IDH3A: variants seen among roughly 807,000 people sequenced by gnomAD.
IDH3A encodes isocitrate dehydrogenase (NAD(+)) 3 catalytic subunit alpha.
IDH3A carries 23 observed loss-of-function variants against 43.3 expected under a neutral mutation model. The ratio of observed to expected loss-of-function variants is 0.53; its 90% CI spans 0.38 to 0.75. IDH3A has a LOEUF of 0.75. Ranked by LOEUF, IDH3A falls within the 30% of genes least tolerant of loss-of-function variation. IDH3A has a pLI of 0.00. For synonymous variants in IDH3A, 154 were observed against 163.5 expected, an observed-to-expected ratio of 0.94 and a Z score of 0.44; for missense variants, 329 against 474.4, an observed-to-expected ratio of 0.69 and a Z score of 2.85.
rs1447271469 is a variant in IDH3A at position 78,162,346 on chromosome 15, C to T, written c.590C>T (p.Ala197Val). ...AACAACCACCGGAGCAACGTCACGG[C>T]GGTGCACAAAGCCAACATCATGTGA... ...ARNNHRSNVT[A>V]VHKANIMRMS... The change falls in exon 6 of 11, where the codon GCG (alanine) becomes GTG (valine). Residue 197 changes from alanine (A) to valine (V), a missense_variant. Physicochemically the swap from Ala to Val is moderately conservative, Grantham distance 64. Transcript: ENST00000299518. 3.7e-6 allele frequency: 6 copies of T among 1,614,010 alleles called. No homozygotes were observed. Among genetic ancestry groups the T allele is most frequent in the Non-Finnish European group, 4.2e-6 (5 of 1,180,038 alleles).
rs749624692 is a variant in IDH3A, at chr15:78,166,131, T to C, written c.865-19T>C. On this transcript the variant is annotated intron_variant, in intron 9 of 10. Transcript: ENST00000299518. ...GTTTTTGTCTCTCCCTTGATGATGC[T>C]ACTTTTCCCGATGTGTAGGTTCATG... 6.2e-7 allele frequency: 1 copy of C among 1,611,068 alleles called. No individual in the cohort carries two copies. Among genetic ancestry groups the C allele is most frequent in the South Asian group, 1.1e-5 (1 of 91,056 alleles).
At position 78,161,456 on chromosome 15, in the gene IDH3A, GA is replaced by G; in HGVS notation, c.290-123del. ...GTGAGGAAGTGTTCCTCCTTCATTT[GA>G]ATCTCAGGTAGAGAGTGAACTAGAG... is the stretch of plus-strand genomic sequence containing the variant. On this transcript the variant is annotated intron_variant, in intron 4 of 10. Transcript: ENST00000299518. This position sits in a 1 kb window ranked among gnomAD's most constrained non-coding sequence, Gnocchi z 4.8. 1 of 686,932 alleles carries G rather than the reference GA, an allele frequency of 1.5e-6. No individual in the cohort carries two copies. Among genetic ancestry groups the G allele is most frequent in the Non-Finnish European group, 2.5e-6 (1 of 403,886 alleles). The allele number at this position is 686,932 out of a possible 1,614,324, so 42.6% of individuals were successfully genotyped here.
intron 3 of IDH3A, among the ~76,000 whole-genome samples, chr15:78,158,448 C>CATATATATATAT (rs1555429599): frequency 3.5e-4 from 10 of 28,236 alleles, no homozygotes; most frequent in Middle Eastern, 0.023. Flanking sequence ...TACATACATA[C>CATATATATATAT]ATATATATAT....
Position 78,168,924 on chromosome 15 carries a change from C to T in IDH3A, c.1020C>T (p.Ser340=). 1.3e-6 allele frequency: 2 copies of T among 1,588,002 alleles called. No homozygotes were observed. The highest frequency in any genetic ancestry group is 1.1e-5 in the South Asian group (1 of 89,122). ...TTTTTGCTTTTTCCTTTTCTCAGAG[C>T]TTGACAAAAGATTTGGGAGGCAATG... The part of the protein sequence containing the change: ...ACFATIKDGK[S]LTKDLGGNAK... Residue 340 remains serine, a splice_region_variant and synonymous_variant, in exon 11 of 11, where the codon AGC becomes AGT. Transcript: ENST00000299518.
At chr15:78,160,012 A>G (rs1404109309) in intron 3 of IDH3A, 80 bp from the exon 4 acceptor site, 2 of 853,390 alleles carry the variant, frequency 2.3e-6, no homozygotes, top group Non-Finnish European at 4.0e-6. Flanking sequence ...AAGTTGAAAA[A>G]GTTTGTTCAT....
chr15:78,171,595 A>T lies in IDH3A; in HGVS notation c.*2590A>T. On this transcript the variant is annotated 3_prime_UTR_variant, in exon 11 of 11. Transcript: ENST00000299518. Reference sequence around the variant, plus strand: ...TGAGAACTCTGAGAATGTGTGTGGTAAAGACTCACACTCAGTCCTATATAT... The same window carrying T: ...TGAGAACTCTGAGAATGTGTGTGGTTAAGACTCACACTCAGTCCTATATAT... 2.3e-6 allele frequency: 3 copies of T among 1,312,708 alleles called. No individual in the cohort carries two copies. Among genetic ancestry groups the T allele is most frequent in the Non-Finnish European group, 3.3e-6 (3 of 908,578 alleles). The allele number at this position is 1,312,708 out of a possible 1,614,324, so 81.3% of individuals were successfully genotyped here. A position where few individuals can be genotyped will look rare whatever the true frequency, so the allele number is the denominator to read the frequency against.
chr15:78,171,333 C>A lies in IDH3A; in HGVS notation c.*2328C>A. The A allele has an allele frequency of 1.2e-6, 1 of 820,864 alleles. No homozygotes were observed. Among genetic ancestry groups the A allele is most frequent in the South Asian group, 1.7e-5 (1 of 59,442 alleles). The allele number at this position is 820,864 out of a possible 1,614,324, so 50.8% of individuals were successfully genotyped here. On this transcript the variant is annotated 3_prime_UTR_variant, in exon 11 of 11. Coordinates refer to ENST00000299518, the MANE Select transcript of IDH3A (RefSeq NM_005530.3). ...CAGTGCTGTGCCCTGACCTGGAGATCTAACAGACTTGGCAGAAATGCCTGT... is the reference window on the plus strand; with the variant it reads ...CAGTGCTGTGCCCTGACCTGGAGATATAACAGACTTGGCAGAAATGCCTGT...
At chr15:78,156,912 A>G (rs201455152) in intron 2 of IDH3A, 146 of 1,351,852 alleles carry the variant, frequency 1.1e-4, no homozygotes, top group Non-Finnish European at 8.3e-5. Flanking sequence ...TTGCAGATCA[A>G]CTTTGCCAAG....
chr15:78,155,077 G>C (rs2074612986), intron 1 of IDH3A, 136 bp from the exon 2 acceptor site: 2 of 530,718 alleles, frequency 3.8e-6, no homozygotes, highest in Non-Finnish European at 6.7e-6. Flanking sequence ...TAATACATGA[G>C]ATTTGTATTC....
At chr15:78,165,657 C>A (rs185893751) in intron 9 of IDH3A, among the ~76,000 whole-genome samples, 1 of 150,268 alleles carries the variant, frequency 6.7e-6, no homozygotes, top group African/African-American at 2.5e-5. Flanking sequence ...AAAAAAATTA[C>A]TTTAGCTCTT....
chr15:78,158,448 C>CATATATATATATAT lies in IDH3A; in HGVS notation c.174+820_174+833dup, dbSNP rs1555429599. Among the ~76,000 whole-genome samples, 4 of 28,238 alleles carry CATATATATATATAT rather than the reference C, an allele frequency of 1.4e-4. 1 individual carries two copies. The highest frequency in any genetic ancestry group is 1.8e-4 in the Non-Finnish European group (3 of 16,582). 18.5% of individuals were successfully genotyped at this position (28,238 alleles called of 152,430 possible). On this transcript the variant is annotated intron_variant, in intron 3 of 10. Transcript: ENST00000299518. ...TCATAGGTTATGCAATACATACATA[C>CATATATATATATAT]ATATATATATATATATTTTTTTTTT... is the stretch of plus-strand genomic sequence containing the variant.
At chr15:78,166,351 A>T in intron 10 of IDH3A, 49 bp downstream of exon 10, 2 of 1,580,192 alleles carry the variant, frequency 1.3e-6, no homozygotes, top group Non-Finnish European at 1.7e-6. Context: ...CATTGCTTCC[A>T]TGTGTTTTAT....
intron 3 of IDH3A, among the ~76,000 whole-genome samples, chr15:78,158,261 A>G (rs1296594944): frequency 6.6e-6 from 1 of 151,742 alleles, no homozygotes; most frequent in African/African-American, 2.4e-5. Context: ...CAGGTAGATA[A>G]TTTAAAAATT....
intron 1 of IDH3A, among the ~76,000 whole-genome samples, chr15:78,152,764 A>G (rs1320903683): frequency 6.6e-6 from 1 of 152,196 alleles, no homozygotes; most frequent in Non-Finnish European, 1.5e-5. Context: ...ACTTAGGTGC[A>G]GTACTGCTTT....
intron 5 of IDH3A, 175 bp from the exon 6 acceptor site, chr15:78,162,059 C>A (rs1022714781): frequency 3.0e-6 from 2 of 670,310 alleles, no homozygotes; most frequent in East Asian, 2.7e-5. Context: ...ATAATACTTA[C>A]CTCTTAGGGC....
chr15:78,156,784 C>A, intron 2 of IDH3A: 1 of 625,770 alleles, frequency 1.6e-6, no homozygotes, highest in Non-Finnish European at 2.5e-6. Context: ...GAAATGCTGG[C>A]TTCGTTTTGC....
intron 8 of IDH3A, among the ~76,000 whole-genome samples, chr15:78,164,507 ACAC>A: frequency 6.6e-6 from 1 of 152,150 alleles, no homozygotes; most frequent in Non-Finnish European, 1.5e-5. Flanking sequence ...GCACACCACC[ACAC>A]CTGGCTAATT....
intron 9 of IDH3A, 99 bp from the exon 10 acceptor site, chr15:78,166,051 T>C (rs2074737968): frequency 1.8e-6 from 2 of 1,128,046 alleles, no homozygotes; most frequent in Admixed American, 3.9e-5. Flanking sequence ...GTGCATATTT[T>C]GTATTGCTGA....
intron 10 of IDH3A, chr15:78,167,510 CATAACATA>C (rs2074758932): frequency 1.3e-5 from 2 of 152,196 alleles, no homozygotes; most frequent in African/African-American, 4.8e-5. Context: ...GAAAAATATG[CATAACATA>C]AAATTTGCCA....
Sources: gnomAD v4.1 joint callset for allele counts (sites outside exome capture counted in the v4.1 genomes callset) on GRCh38, gnomAD v4.1.1 for gene constraint, Gnocchi (gnomAD v3.1) non-coding constraint, MANE v1.5 for transcripts, NCBI Gene and HGNC (gene_info 2026-07-23, HGNC 2026-07-21) for gene names.